The following ADGRL4 variants were observed in gnomAD, a reference collection of about 807,000 sequenced individuals.
ADGRL4 encodes EGF, latrophilin and seven transmembrane domain containing 1.
Under a neutral mutation model 74.8 loss-of-function variants are expected in ADGRL4, and 90 were observed. That is an observed-to-expected ratio of 1.20 (90% CI 1.02 to 1.43). The LOEUF (loss-of-function observed/expected upper bound fraction) is 1.43, where lower values mean the gene tolerates loss of function less well. ADGRL4 is among the 40% of genes most tolerant of loss of function. The pLI, the probability that ADGRL4 is intolerant of heterozygous loss-of-function variation, is 0.00. For missense variants in ADGRL4, 881 were observed against 814.3 expected, an observed-to-expected ratio of 1.08 and a Z score of -1.00; for synonymous variants, 311 against 279.2, an observed-to-expected ratio of 1.11 and a Z score of -1.14.
intron 10 of ADGRL4, 149 bp from the exon 11 acceptor site, chr1:78,918,199 A>G (rs1648924572): frequency 3.3e-6 from 2 of 611,672 alleles, no homozygotes; most frequent in Non-Finnish European, 5.6e-6. Context: ...TTAAAATACC[A>G]TGTCAGTTCT....
chr1:78,932,683 C>A (rs1290082694), intron 7 of ADGRL4, among the ~76,000 whole-genome samples: 1 of 147,116 alleles, frequency 6.8e-6, no homozygotes, highest in East Asian at 2.0e-4. Flanking sequence ...ACAAGCTAGG[C>A]TAATAAAGAA....
rs150097207 is a variant in ADGRL4, at chr1:79,004,795, G to C, written c.172+275C>G. Among the ~76,000 whole-genome samples, 44 of 152,196 alleles carry C rather than the reference G, an allele frequency of 2.9e-4. No individual in the cohort carries two copies. The East Asian group carries it at 6.9e-3, about 24-fold the overall frequency. On this transcript the variant is annotated intron_variant, in intron 2 of 14. Coordinates refer to ENST00000370742, the MANE Select transcript of ADGRL4 (RefSeq NM_022159.4). Reference sequence around the variant, plus strand: ...TTTTGTTCCCAAAGCTGTTGACTATGCCCTCTACACCTGGATCTCCAGCAT... The same window carrying C: ...TTTTGTTCCCAAAGCTGTTGACTATCCCCTCTACACCTGGATCTCCAGCAT...
chr1:79,000,522 A>G (rs968678540), intron 2 of ADGRL4, among the ~76,000 whole-genome samples: 4 of 152,100 alleles, frequency 2.6e-5, no homozygotes, highest in African/African-American at 9.7e-5. Flanking sequence ...AGTTTTTACA[A>G]TGGTTTATTG....
intron 2 of ADGRL4, among the ~76,000 whole-genome samples, chr1:78,948,371 G>A (rs1311484007): frequency 2.0e-5 from 3 of 152,062 alleles, no homozygotes; most frequent in East Asian, 1.9e-4. Flanking sequence ...AGGTGGTGTC[G>A]TGTAGCTTGT....
chr1:78,945,603 T>C (rs1187353185), intron 3 of ADGRL4, among the ~76,000 whole-genome samples: 1 of 152,168 alleles, frequency 6.6e-6, no homozygotes, highest in Admixed American at 6.6e-5. Context: ...ATCACATGCA[T>C]GACCAAATTA....
chr1:78,893,198 A>C lies in ADGRL4; in HGVS notation c.1750-9T>G. 6.5e-7 allele frequency: 1 copy of C among 1,546,402 alleles called. No individual in the cohort carries two copies. Among genetic ancestry groups the C allele is most frequent in the Non-Finnish European group, 8.9e-7 (1 of 1,129,786 alleles). On this transcript the variant is annotated splice_polypyrimidine_tract_variant and intron_variant, in intron 12 of 14. Coordinates refer to ENST00000370742, the MANE Select transcript of ADGRL4 (RefSeq NM_022159.4). ...AAAGCCAAGAGATTAACCTGGAAAA[A>C]GAATTAATTTCAAAGAAGAGATAGT...
intron 6 of ADGRL4, 128 bp downstream of exon 6, chr1:78,937,679 C>T: frequency 1.3e-6 from 1 of 789,334 alleles, no homozygotes; most frequent in Non-Finnish European, 2.1e-6. Context: ...TTCATTTGTA[C>T]ACTGATAAAA....
At chr1:78,894,917 A>T (rs1272274362) in intron 12 of ADGRL4, among the ~76,000 whole-genome samples, 5 of 151,960 alleles carry the variant, frequency 3.3e-5, no homozygotes, top group Non-Finnish European at 5.9e-5. Context: ...TTTGAAAAAT[A>T]GTTGCTCATA....
At chr1:78,999,865 T>G (rs1650806745) in intron 2 of ADGRL4, among the ~76,000 whole-genome samples, 1 of 151,264 alleles carries the variant, frequency 6.6e-6, no homozygotes. Context: ...CCTATCAACT[T>G]TATAAACTGA....
At chr1:78,904,379 C>T (rs996313261) in intron 12 of ADGRL4, among the ~76,000 whole-genome samples, 3 of 151,872 alleles carry the variant, frequency 2.0e-5, no homozygotes, top group African/African-American at 4.8e-5. Flanking sequence ...AAATGAAATG[C>T]TAATATTTTA....
intron 12 of ADGRL4, among the ~76,000 whole-genome samples, chr1:78,911,542 C>T (rs537049247): frequency 1.9e-4 from 29 of 151,792 alleles, no homozygotes; most frequent in East Asian, 7.8e-4. Context: ...AACAGACACA[C>T]GTATAATAAT....
intron 12 of ADGRL4, among the ~76,000 whole-genome samples, chr1:78,914,480 A>G (rs1161397341): frequency 1.3e-5 from 2 of 151,780 alleles, no homozygotes; most frequent in African/African-American, 4.8e-5. Context: ...CAAATTCCTA[A>G]TCAGTAGGTC....
intron 13 of ADGRL4, among the ~76,000 whole-genome samples, chr1:78,892,438 G>C (rs904495388): frequency 6.6e-6 from 1 of 152,060 alleles, no homozygotes; most frequent in Non-Finnish European, 1.5e-5. Flanking sequence ...TTTTAGTCCA[G>C]TCATTCTTTA....
At chr1:78,958,235 T>C (rs1649873673) in intron 2 of ADGRL4, among the ~76,000 whole-genome samples, 1 of 152,170 alleles carries the variant, frequency 6.6e-6, no homozygotes, top group South Asian at 2.1e-4. Flanking sequence ...ATAACATCCA[T>C]TCTGCAGCTC....
chr1:78,895,176 G>A (rs911299457), intron 12 of ADGRL4, among the ~76,000 whole-genome samples: 1 of 151,654 alleles, frequency 6.6e-6, no homozygotes, highest in Non-Finnish European at 1.5e-5. Flanking sequence ...ATTAAAACAT[G>A]TTTATCAAAA....
chr1:78,918,555 G>T (rs938031746), intron 10 of ADGRL4, among the ~76,000 whole-genome samples: 1 of 151,764 alleles, frequency 6.6e-6, no homozygotes, highest in Non-Finnish European at 1.5e-5. Flanking sequence ...ATCCATTACA[G>T]AATTACTTTC....
At chr1:78,934,674 C>T (rs557134342) in intron 7 of ADGRL4, among the ~76,000 whole-genome samples, 1 of 152,198 alleles carries the variant, frequency 6.6e-6, no homozygotes, top group East Asian at 1.9e-4. Flanking sequence ...GTCTAATACC[C>T]AGCATCTACT....
At chr1:78,927,872 A>T (rs1156741411) in intron 7 of ADGRL4, among the ~76,000 whole-genome samples, 1 of 152,104 alleles carries the variant, frequency 6.6e-6, no homozygotes, top group Non-Finnish European at 1.5e-5. Context: ...CTAAAAAGGC[A>T]CCTCAAGAGA....
intron 12 of ADGRL4, among the ~76,000 whole-genome samples, chr1:78,903,235 C>T (rs1648556485): frequency 6.6e-6 from 1 of 152,108 alleles, no homozygotes; most frequent in Non-Finnish European, 1.5e-5. Context: ...TGTATGCATG[C>T]CTGTCATCTT....
Sources: allele counts gnomAD v4.1 joint callset (sites outside exome capture counted in the v4.1 genomes callset), GRCh38; gene constraint gnomAD v4.1.1; transcripts MANE v1.5; gene names NCBI Gene and HGNC (gene_info 2026-07-23, HGNC 2026-07-21).